Variants in RAD51AP2 observed in about 807,000 individuals in gnomAD.
RAD51AP2 encodes the protein RAD51-associated protein 2.
A neutral mutation model predicts 85.5 loss-of-function variants in RAD51AP2; 67 were observed. The ratio of observed to expected loss-of-function variants is 0.78; its 90% CI spans 0.64 to 0.96. RAD51AP2 has a LOEUF of 0.96. Among genes scored for constraint, RAD51AP2 ranks in the 40% least tolerant of loss-of-function variants. RAD51AP2 has a pLI of 0.00. For synonymous variants in RAD51AP2, 474 were observed against 446.5 expected, an observed-to-expected ratio of 1.06 and a Z score of -0.78; for missense variants, 1,307 against 1,332.4, an observed-to-expected ratio of 0.98 and a Z score of 0.30.
At chr2:17,520,755 C>CT (rs35395483), upstream of RAD51AP2, among the ~76,000 whole-genome samples, 95,591 of 133,478 alleles carry the variant, frequency 0.72, 31,885 homozygotes, top group Middle Eastern at 0.86. Flanking sequence ...CTTTCAGCTT[C>CT]TTTTTTTTTT....
At chr2:17,534,967 T>C in the RAD51AP2 span, among the ~76,000 whole-genome samples, 2 of 152,248 alleles carry the variant, frequency 1.3e-5, no homozygotes, top group Admixed American at 6.5e-5. Context: ...ATTTTGCCTT[T>C]TGAAATGAAA....
At chr2:17,531,980 A>G in the RAD51AP2 span, among the ~76,000 whole-genome samples, 1 of 151,386 alleles carries the variant, frequency 6.6e-6, no homozygotes, top group African/African-American at 2.4e-5. Flanking sequence ...TAAGAAGCAG[A>G]GTTGGTTTTT....
At chr2:17,526,347 T>A in the RAD51AP2 span, among the ~76,000 whole-genome samples, 3 of 152,108 alleles carry the variant, frequency 2.0e-5, no homozygotes, top group African/African-American at 7.2e-5. Context: ...AGGCTTGTAG[T>A]CATGAACACT....
chr2:17,524,982 A>G, the RAD51AP2 span, among the ~76,000 whole-genome samples: 3 of 151,832 alleles, frequency 2.0e-5, no homozygotes, highest in Non-Finnish European at 4.4e-5. Flanking sequence ...CTAAGGTCCA[A>G]AAAATAGAGC....
the RAD51AP2 span, among the ~76,000 whole-genome samples, chr2:17,527,078 T>C: frequency 2.0e-5 from 3 of 152,272 alleles, no homozygotes; most frequent in South Asian, 2.1e-4. Flanking sequence ...ACAGCCAATA[T>C]AGAGTAGTAA....
At position 17,517,776 on chromosome 2, in the gene RAD51AP2, C is replaced by T. The variant is rs764664551; in HGVS notation, c.640G>A (p.Ala214Thr). The T allele has an allele frequency of 7.4e-6, 12 of 1,613,852 alleles. No homozygotes were observed. The highest frequency in any genetic ancestry group is 1.7e-5 in the Admixed American group (1 of 60,008). The change falls in exon 1 of 3, where the codon GCT becomes ACT. Residue 214 changes from alanine (A) to threonine (T), a missense_variant. Around this residue, in one of 3 missense-constraint regions of RAD51AP2, gnomAD observed 635 missense variants for 643.6 expected, o/e 0.99. Coordinates refer to ENST00000399080, the MANE Select transcript of RAD51AP2 (RefSeq NM_001099218.3). ...TTATTTGATGGCACAACACTGTTAG[C>T]TTTACATCTGTTCTTAATTTCATGA... ...PFHEIKNRCK[A>T]NSVVPSNKRE...
rs781229058 is a variant in RAD51AP2, at chr2:17,517,717, T to A, written c.699A>T (p.Lys233Asn). ...TGGGCTGGTTTTGAGATTTTGATAT[T>A]TTTAGTACAGATGATGAAATGTTAT... ...RENNISSSVL[K>N]ISKSQNQPSL... Residue 233 changes from lysine to asparagine, a missense_variant, in exon 1 of 3, where the codon AAA (lysine) becomes AAT (asparagine). Lys to Asn is a moderately conservative substitution (Grantham distance 94). This residue lies in a region of RAD51AP2 where 635 missense variants were observed against 643.6 expected (regional missense o/e 0.99). Coordinates refer to ENST00000399080, the MANE Select transcript of RAD51AP2 (RefSeq NM_001099218.3). 4.4e-5 allele frequency: 71 copies of A among 1,613,402 alleles called. No individual in the cohort carries two copies. Among genetic ancestry groups the A allele is most frequent in the Middle Eastern group, 1.6e-4 (1 of 6,080 alleles).
Position 17,510,904 on chromosome 2 carries a change from C to A in RAD51AP2, c.3380G>T (p.Ser1127Ile). ...TGACAAACCAATCCTGATTGGCCTA[C>A]TGCATGTCTTAAGCGGTCGTACTCT... ...ISRVRPLKTC[S>I]RPIRIGLSRK... Residue 1127 changes from serine to isoleucine, a missense_variant, in exon 3 of 3, where the codon AGT (serine) becomes ATT (isoleucine). This residue lies in a region of RAD51AP2 where 668 missense variants were observed against 671.0 expected (regional missense o/e 1.00). Coordinates refer to ENST00000399080, the MANE Select transcript of RAD51AP2 (RefSeq NM_001099218.3). 1 of 1,608,986 alleles carries A rather than the reference C, an allele frequency of 6.2e-7. No homozygotes were observed. The highest frequency in any genetic ancestry group is 8.5e-7 in the Non-Finnish European group (1 of 1,177,202).
chr2:17,510,846 A>G lies in RAD51AP2; in HGVS notation c.3438T>C (p.Tyr1146=). ...AGTTTCCGTAACACATTTGTTTCAG[A>G]TAAGGATGAAGTTGTTTAATCCTTG... ...RKARIKQLHP[Y]LKQMCYGNLK... is the part of the protein sequence containing the mutation. Residue 1146 remains tyrosine (Y), a synonymous_variant, in exon 3 of 3, where the codon TAT becomes TAC. Coordinates refer to ENST00000399080, the MANE Select transcript of RAD51AP2 (RefSeq NM_001099218.3). The G allele has an allele frequency of 1.2e-6, 2 of 1,601,338 alleles. No individual in the cohort carries two copies. The highest frequency in any genetic ancestry group is 2.2e-5 in the East Asian group (1 of 44,518).
At chr2:17,524,866 C>T in the RAD51AP2 span, among the ~76,000 whole-genome samples, 1 of 151,550 alleles carries the variant, frequency 6.6e-6, no homozygotes, top group East Asian at 1.9e-4. Flanking sequence ...AAATTCTATA[C>T]AAAATAGGCA....
chr2:17,522,079 A>T (rs946193807), upstream of RAD51AP2, among the ~76,000 whole-genome samples: 3 of 152,028 alleles, frequency 2.0e-5, no homozygotes, highest in African/African-American at 7.2e-5. Flanking sequence ...GCCCAATACC[A>T]TTACAAAAGT....
chr2:17,528,981 T>G, the RAD51AP2 span, among the ~76,000 whole-genome samples: 4 of 152,336 alleles, frequency 2.6e-5, no homozygotes, highest in South Asian at 8.3e-4. Context: ...ATGGTTCCAG[T>G]GTCTGTTGCC....
rs1662656620 is a variant in RAD51AP2, at chr2:17,516,168, T to G, written c.2248A>C (p.Asn750His). 6.2e-7 allele frequency: 1 copy of G among 1,613,412 alleles called. No individual in the cohort carries two copies. The highest frequency in any genetic ancestry group is 1.3e-5 in the African/African-American group (1 of 75,028). ...ATATTTACTTCATAAAAATTTTCAT[T>G]AATGTATCCTCGGTTGTTCTGTATA... ...QFIQNNRGYI[N>H]ENFYEVNMHS... Residue 750 changes from asparagine (N) to histidine (H), a missense_variant, in exon 1 of 3, where the codon AAT becomes CAT. Asn to His is a moderately conservative substitution (Grantham distance 68, BLOSUM62 1). Around this residue, in one of 3 missense-constraint regions of RAD51AP2, gnomAD observed 668 missense variants for 671.0 expected, o/e 1.00. Transcript: ENST00000399080.
At chr2:17,519,288 AATC>A (rs1345333991), upstream of RAD51AP2, among the ~76,000 whole-genome samples, 2 of 144,652 alleles carry the variant, frequency 1.4e-5, no homozygotes, top group Non-Finnish European at 3.0e-5. Flanking sequence ...CTGCTTTGAG[AATC>A]ATTTATGATT....
the RAD51AP2 span, among the ~76,000 whole-genome samples, chr2:17,535,935 C>CAAAAAAA: frequency 1.0e-3 from 58 of 57,222 alleles, no homozygotes; most frequent in African/African-American, 2.9e-3. Context: ...GTAAGAACAC[C>CAAAAAAA]AAAAAAAAAA....
chr2:17,529,502 T>C, the RAD51AP2 span, among the ~76,000 whole-genome samples: 1 of 151,664 alleles, frequency 6.6e-6, no homozygotes, highest in South Asian at 2.1e-4. Flanking sequence ...AAAGAAAGAG[T>C]AATTAATCAA....
At chr2:17,519,547 G>C (rs1662811216), upstream of RAD51AP2, among the ~76,000 whole-genome samples, 1 of 152,086 alleles carries the variant, frequency 6.6e-6, no homozygotes, top group African/African-American at 2.4e-5. Flanking sequence ...CCATGGCATA[G>C]ATGGCAATAT....
Position 17,518,435 on chromosome 2 carries a change from C to A in RAD51AP2, c.-20G>T, listed in dbSNP as rs773422867. On this transcript the variant is annotated 5_prime_UTR_variant, in exon 1 of 3. Transcript: ENST00000399080. ...AGACATGACAGCGAATGGAAAGGAT[C>A]TGTCCGAGTCCCGGCGGGGCTCCAA... 4 of 1,599,432 alleles carry A rather than the reference C, an allele frequency of 2.5e-6. No homozygotes were observed. The highest frequency in any genetic ancestry group is 3.4e-6 in the Non-Finnish European group (4 of 1,174,500).
Position 17,515,877 on chromosome 2 carries a change from T to A in RAD51AP2, c.2539A>T (p.Ser847Cys), listed in dbSNP as rs779176649. ...TTAGTATCTTTGTGAACTTGGCAAC[T>A]ATTTGTTAAACTTTCAGCTGTGACT... ...VKVTAESLTN[S>C]CQVHKDTKIE... The change falls in exon 1 of 3, where the codon AGT becomes TGT. Residue 847 changes from serine (S) to cysteine (C), a missense_variant. Physicochemically the swap from Ser to Cys is moderately radical, Grantham distance 112. Coordinates refer to ENST00000399080, the MANE Select transcript of RAD51AP2 (RefSeq NM_001099218.3). 1.2e-6 allele frequency: 2 copies of A among 1,606,234 alleles called. No individual in the cohort carries two copies. The highest frequency in any genetic ancestry group is 2.3e-5 in the South Asian group (2 of 88,450).
Sources: gnomAD v4.1 joint callset for allele counts (sites outside exome capture counted in the v4.1 genomes callset) on GRCh38, gnomAD v4.1.1 for gene constraint, gnomAD v4.1.1 regional missense constraint, MANE v1.5 for transcripts, NCBI Gene and HGNC (gene_info 2026-07-23, HGNC 2026-07-21) for gene names.